Variants in NRAP observed in about 807,000 individuals in gnomAD.
The protein encoded by NRAP is nebulin-related-anchoring protein.
A neutral mutation model predicts 225.9 loss-of-function variants in NRAP; 189 were observed. The observed-to-expected ratio is 0.84, with a 90% CI of 0.74 to 0.94. The LOEUF (loss-of-function observed/expected upper bound fraction) is 0.94, where lower values mean the gene tolerates loss of function less well. Among genes scored for constraint, NRAP ranks in the 40% least tolerant of loss-of-function variants. NRAP has a pLI of 0.00. For synonymous variants in NRAP, 769 were observed against 790.7 expected, an observed-to-expected ratio of 0.97 and a Z score of 0.46; for missense variants, 2,176 against 2,168.7, an observed-to-expected ratio of 1.00 and a Z score of -0.07.
intron 20 of NRAP, 124 bp from the exon 21 acceptor site, chr10:113,626,269 C>G (rs1233318262): frequency 1.5e-6 from 1 of 663,978 alleles, no homozygotes; most frequent in African/African-American, 1.8e-5. Flanking sequence ...GAGGAATGTT[C>G]TAGTTGTTCC....
intron 3 of NRAP, among the ~76,000 whole-genome samples, chr10:113,661,913 A>C (rs1481821072): frequency 6.6e-6 from 1 of 152,240 alleles, no homozygotes; most frequent in Non-Finnish European, 1.5e-5. Context: ...CACAGGGAAA[A>C]GTCAAGATCC....
intron 6 of NRAP, 127 bp from the exon 7 acceptor site, chr10:113,652,034 T>C (rs993193131): frequency 1.4e-6 from 1 of 692,840 alleles, no homozygotes; most frequent in African/African-American, 1.8e-5. Context: ...AAGTCTTCTG[T>C]GGCTTGTTTC....
At position 113,643,041 on chromosome 10, in the gene NRAP, T is replaced by C; in HGVS notation, c.1111-3A>G. 5.4e-6 allele frequency: 8 copies of C among 1,482,376 alleles called. No individual in the cohort carries two copies. Among genetic ancestry groups the C allele is most frequent in the Non-Finnish European group, 7.5e-6 (8 of 1,060,414 alleles). The allele number at this position is 1,482,376 out of a possible 1,614,324, so 91.8% of individuals were successfully genotyped here. A position where few individuals can be genotyped will look rare whatever the true frequency, so the allele number is the denominator to read the frequency against. Reference sequence around the variant, plus strand: ...TCCAGATCCTTCTTATACTCCACCTTGGAAATCAAAACACCAGACACACAA... The same window carrying C: ...TCCAGATCCTTCTTATACTCCACCTCGGAAATCAAAACACCAGACACACAA... On this transcript the variant is annotated splice_region_variant and splice_polypyrimidine_tract_variant and intron_variant, in intron 11 of 41. Coordinates refer to ENST00000359988, the MANE Select transcript of NRAP (RefSeq NM_198060.4).
chr10:113,627,292 T>C (rs113047097), intron 20 of NRAP, among the ~76,000 whole-genome samples: 2 of 152,228 alleles, frequency 1.3e-5, no homozygotes, highest in Admixed American at 1.3e-4. Flanking sequence ...AGACTATGCA[T>C]TGGTCAAATC....
chr10:113,604,597 G>A lies in NRAP; in HGVS notation c.4227+12C>T, dbSNP rs750690244. On this transcript the variant is annotated intron_variant, in intron 35 of 41. Transcript: ENST00000359988. ...CTGGGGGCTGGTTTGCATTCCACAA[G>A]GCCACCCCTACCTCACTCTGCAGGG... 3 of 1,606,494 alleles carry A rather than the reference G, an allele frequency of 1.9e-6. No homozygotes were observed. The highest frequency in any genetic ancestry group is 2.6e-6 in the Non-Finnish European group (3 of 1,174,086).
Position 113,595,693 on chromosome 10 carries a change from T to C in NRAP, c.4466A>G (p.His1489Arg). 6.2e-7 allele frequency: 1 copy of C among 1,613,854 alleles called. No individual in the cohort carries two copies. The highest frequency in any genetic ancestry group is 8.5e-7 in the Non-Finnish European group (1 of 1,179,702). Residue 1489 changes from histidine to arginine, a missense_variant, in exon 38 of 42, where the codon CAC becomes CGC. Physicochemically the swap from His to Arg is conservative, Grantham distance 29. Around this residue, in one of 3 missense-constraint regions of NRAP, gnomAD observed 445 missense variants for 426.1 expected, o/e 1.04. Coordinates refer to ENST00000359988, the MANE Select transcript of NRAP (RefSeq NM_198060.4). ...MYRSGDAESL[H>R]RYTLIPDHPD... Reference sequence around the variant, plus strand: ...ATGGTCGGGGATCAGGGTGTATCTGTGCAGGGATTCTGCATCTCCAGATCT... The same window carrying C: ...ATGGTCGGGGATCAGGGTGTATCTGCGCAGGGATTCTGCATCTCCAGATCT...
chr10:113,589,525 A>T, intron 41 of NRAP, 141 bp downstream of exon 41: 2 of 922,330 alleles, frequency 2.2e-6, no homozygotes, highest in Non-Finnish European at 3.3e-6. Flanking sequence ...CCATGAAATT[A>T]GGCGCCTTGT....
At chr10:113,595,544 TAAAAAAA>T in intron 38 of NRAP, 72 bp downstream of exon 38, 2 of 877,092 alleles carry the variant, frequency 2.3e-6, no homozygotes. Context: ...CTTTTTTTTT[TAAAAAAA>T]CGAAATCCAC....
intron 19 of NRAP, 102 bp from the exon 20 acceptor site, chr10:113,629,123 TAGA>T: frequency 4.7e-6 from 4 of 844,990 alleles, no homozygotes; most frequent in Admixed American, 1.9e-5. Flanking sequence ...TTTGCCTTCC[TAGA>T]AGAACTGCTC....
chr10:113,649,658 G>A (rs1849815506), intron 9 of NRAP, among the ~76,000 whole-genome samples: 1 of 152,112 alleles, frequency 6.6e-6, no homozygotes, highest in Non-Finnish European at 1.5e-5. Flanking sequence ...TCAGTGAAAT[G>A]CTCAATATTT....
intron 16 of NRAP, among the ~76,000 whole-genome samples, chr10:113,632,247 C>T (rs1848620245): frequency 6.6e-6 from 1 of 152,172 alleles, no homozygotes. Context: ...CCTCTTGGGG[C>T]CTCAATCTCC....
chr10:113,655,772 G>C (rs1850272527), intron 4 of NRAP, among the ~76,000 whole-genome samples: 1 of 152,098 alleles, frequency 6.6e-6, no homozygotes, highest in African/African-American at 2.4e-5. Flanking sequence ...ACTTAATGGT[G>C]CACCTATGAT....
At position 113,651,860 on chromosome 10, in the gene NRAP, C is replaced by T. The variant is rs568224923; in HGVS notation, c.618G>A (p.Thr206=). The T allele has an allele frequency of 1.0e-4, 163 of 1,613,394 alleles. 1 individual carries two copies. The Admixed American group carries it at 2.0e-3, about 20-fold the overall frequency. The change falls in exon 7 of 42, where the codon ACG becomes ACA. Residue 206 remains threonine, a synonymous_variant. Transcript: ENST00000359988. ...GHDERISRFS[T]VVDTPELLRS... is the part of the protein sequence containing the mutation. ...GTAGCAGCTCAGGAGTATCCACCAC[C>T]GTGGAGAACCTGGAGATGCGTTCAT...
At chr10:113,645,059 C>G (rs1410739674) in intron 11 of NRAP, among the ~76,000 whole-genome samples, 9 of 152,204 alleles carry the variant, frequency 5.9e-5, no homozygotes, top group Admixed American at 5.2e-4. Context: ...AAACACACCC[C>G]TCAGGCAGCC....
At position 113,614,862 on chromosome 10, in the gene NRAP, C is replaced by T. The variant is rs139118719; in HGVS notation, c.3163G>A (p.Ala1055Thr). Residue 1055 changes from alanine to threonine, a missense_variant, in exon 28 of 42, where the codon GCT becomes ACT. Ala to Thr is a moderately conservative substitution (Grantham distance 58). Transcript: ENST00000359988. ...ACATCACTTATGATTTCACCAGAAG[C>T]CTTTGCTGCTTGGAATGGAAGGGCA... ...LDALPFQAAK[A>T]SGEIISDYKY... 9,662 of 1,608,022 alleles carry T rather than the reference C, an allele frequency of 6.0e-3. 34 individuals are homozygous for T. The highest frequency in any genetic ancestry group is 0.012 in the Middle Eastern group (72 of 6,056).
intron 23 of NRAP, among the ~76,000 whole-genome samples, chr10:113,623,266 C>T (rs1023745873): frequency 1.8e-4 from 27 of 152,136 alleles, no homozygotes; most frequent in South Asian, 6.2e-4. Context: ...ATCTGTAAAG[C>T]GAGAAATTTG....
intron 3 of NRAP, among the ~76,000 whole-genome samples, chr10:113,661,408 C>T (rs781532419): frequency 6.6e-6 from 1 of 152,084 alleles, no homozygotes; most frequent in African/African-American, 2.4e-5. Flanking sequence ...AGGTCACTAC[C>T]TCTATCTCAT....
At chr10:113,594,713 T>C (rs890888540) in intron 38 of NRAP, among the ~76,000 whole-genome samples, 1 of 152,362 alleles carries the variant, frequency 6.6e-6, no homozygotes, top group Non-Finnish European at 1.5e-5. Flanking sequence ...ATTCACTGCA[T>C]GGGATCCCAC....
At chr10:113,609,416 G>C (rs1847192022) in intron 31 of NRAP, among the ~76,000 whole-genome samples, 1 of 152,142 alleles carries the variant, frequency 6.6e-6, no homozygotes, top group South Asian at 2.1e-4. Context: ...TGAGCACTCA[G>C]GCTGACTGCT....
Sources: allele counts gnomAD v4.1 joint callset (sites outside exome capture counted in the v4.1 genomes callset), GRCh38; gene constraint gnomAD v4.1.1; regional missense constraint gnomAD v4.1.1; transcripts MANE v1.5; gene names NCBI Gene and HGNC (gene_info 2026-07-23, HGNC 2026-07-21).